Variants in ZPBP observed in about 807,000 individuals in gnomAD.
The protein encoded by ZPBP is zona pellucida binding protein, also known as zona pellucida-binding protein 1.
ZPBP carries 26 observed loss-of-function variants against 44.8 expected under a neutral mutation model. The observed-to-expected ratio is 0.58, with a 90% CI of 0.43 to 0.81. The LOEUF is 0.81. ZPBP is among the 30% of genes least tolerant of loss of function. ZPBP has a pLI of 0.00. For missense variants in ZPBP, 409 were observed against 434.0 expected (o/e 0.94, Z 0.51); for synonymous variants, 174 against 153.2 (o/e 1.14, Z -1.00).
chr7:50,027,646 G>GA (rs1799398995), intron 5 of ZPBP, among the ~76,000 whole-genome samples: 1 of 151,786 alleles, frequency 6.6e-6, no homozygotes, highest in African/African-American at 2.4e-5. Context: ...ATACAGAATA[G>GA]AAAAAGCAAT....
At chr7:49,993,505 C>T (rs1797658898) in intron 6 of ZPBP, among the ~76,000 whole-genome samples, 1 of 152,094 alleles carries the variant, frequency 6.6e-6, no homozygotes, top group Non-Finnish European at 1.5e-5. Context: ...CAGTCACCAA[C>T]TATAGTCTAT....
chr7:49,862,259 T>C (rs1428033351), intron 2 of ZPBP, among the ~76,000 whole-genome samples: 1 of 152,168 alleles, frequency 6.6e-6, no homozygotes, highest in Non-Finnish European at 1.5e-5. Context: ...TCTCTTAAAT[T>C]TCTTTTCAAA....
At chr7:49,980,136 TATA>T (rs1796758764) in intron 7 of ZPBP, among the ~76,000 whole-genome samples, 1 of 107,340 alleles carries the variant, frequency 9.3e-6, no homozygotes, top group Admixed American at 1.4e-4. Context: ...AATTATATAT[TATA>T]TTTATATTAT....
intron 2 of ZPBP, among the ~76,000 whole-genome samples, chr7:49,882,826 A>G (rs79344276): frequency 0.03 from 4,566 of 152,188 alleles, 189 homozygotes; most frequent in South Asian, 0.13. Flanking sequence ...AGTTTCAACT[A>G]CATCTTCTAT....
Position 50,018,564 on chromosome 7 carries a change from G to A in ZPBP, c.707-248C>T, listed in dbSNP as rs893831051. Among the ~76,000 whole-genome samples, 15 of 151,864 alleles carry A rather than the reference G, an allele frequency of 9.9e-5. 1 individual carries two copies. Among genetic ancestry groups the A allele is most frequent in the African/African-American group, 3.6e-4 (15 of 41,356 alleles). On this transcript the variant is annotated intron_variant, in intron 5 of 7. Transcript: ENST00000046087. The stretch of plus-strand genomic sequence containing the variant: ...ACTTTCCTGATAATGTTTGGCTGTT[G>A]ATTTTGTAAAATCTGAGCAACAGAT...
At chr7:49,934,962 ATAAAAGG>A (rs1794571939), downstream of ZPBP, among the ~76,000 whole-genome samples, 1 of 152,194 alleles carries the variant, frequency 6.6e-6, no homozygotes, top group African/African-American at 2.4e-5. Flanking sequence ...TAAGCATTAT[ATAAAAGG>A]TATTATTTGG....
chr7:50,078,370 A>G (rs568582492), intron 3 of ZPBP, among the ~76,000 whole-genome samples: 17 of 151,684 alleles, frequency 1.1e-4, no homozygotes, highest in African/African-American at 3.6e-4. Flanking sequence ...ACTTAATTGC[A>G]TATATTAAAA....
chr7:49,984,351 T>C (rs937690663), intron 6 of ZPBP, among the ~76,000 whole-genome samples: 1 of 152,166 alleles, frequency 6.6e-6, no homozygotes, highest in Non-Finnish European at 1.5e-5. Context: ...GGTGATAAAA[T>C]AATAACTCTG....
chr7:50,026,578 C>A (rs1799345468), intron 5 of ZPBP, among the ~76,000 whole-genome samples: 1 of 151,848 alleles, frequency 6.6e-6, no homozygotes, highest in Non-Finnish European at 1.5e-5. Flanking sequence ...AAGCAGCTTC[C>A]ATAATCTGAG....
At chr7:50,066,041 A>G (rs980140699) in intron 3 of ZPBP, among the ~76,000 whole-genome samples, 3 of 151,236 alleles carry the variant, frequency 2.0e-5, no homozygotes, top group East Asian at 1.9e-4. Flanking sequence ...GTGTTAGCGT[A>G]TTCCACTGAA....
intron 7 of ZPBP, among the ~76,000 whole-genome samples, chr7:49,940,947 C>A (rs1393831412): frequency 2.0e-5 from 3 of 152,046 alleles, no homozygotes; most frequent in Non-Finnish European, 2.9e-5. Flanking sequence ...CCCAGAGAAG[C>A]AGCAGGAGTG....
chr7:50,035,164 G>A (rs1008052748), intron 4 of ZPBP, among the ~76,000 whole-genome samples: 1 of 152,192 alleles, frequency 6.6e-6, no homozygotes, highest in Non-Finnish European at 1.5e-5. Context: ...CACTAAATTG[G>A]ATTTGTGGCT....
intron 2 of ZPBP, among the ~76,000 whole-genome samples, chr7:49,862,444 A>G (rs922079065): frequency 5.9e-5 from 9 of 152,102 alleles, no homozygotes; most frequent in Non-Finnish European, 1.3e-4. Context: ...TTCCTTTCCA[A>G]TTTGGATGCT....
intron 2 of ZPBP, among the ~76,000 whole-genome samples, chr7:49,888,397 G>T (rs1424761233): frequency 2.0e-5 from 3 of 152,106 alleles, no homozygotes; most frequent in East Asian, 3.8e-4. Flanking sequence ...TTTAGGTATG[G>T]TATAGAGCTA....
At chr7:50,004,433 G>A (rs974782413) in intron 6 of ZPBP, among the ~76,000 whole-genome samples, 1 of 151,278 alleles carries the variant, frequency 6.6e-6, no homozygotes, top group African/African-American at 2.5e-5. Context: ...TTCTAGGACT[G>A]AGCCACTACT....
intron 7 of ZPBP, among the ~76,000 whole-genome samples, chr7:49,958,189 T>G (rs1795693302): frequency 6.6e-6 from 1 of 152,180 alleles, no homozygotes; most frequent in South Asian, 2.1e-4. Context: ...TGCCTCAGGA[T>G]GTATTGTGTC....
intron 4 of ZPBP, among the ~76,000 whole-genome samples, chr7:50,043,123 C>T (rs1562866372): frequency 6.6e-6 from 1 of 152,212 alleles, no homozygotes; most frequent in Non-Finnish European, 1.5e-5. Context: ...GCCTTAAGGA[C>T]TTGCTCCTTC....
rs76728040 is a variant in ZPBP at position 49,922,436 on chromosome 7, G to C, written n.411+13315C>G. Among the ~76,000 whole-genome samples, 1,181 of 152,256 alleles carry C rather than the reference G, an allele frequency of 7.8e-3. 12 individuals are homozygous for C. Among genetic ancestry groups the C allele is most frequent in the African/African-American group, 0.027 (1,130 of 41,540 alleles). On this transcript the variant is annotated intron_variant and non_coding_transcript_variant, in intron 1 of 2. Coordinates refer to the ZPBP transcript ENST00000465922. ...TTAAGGCTACGAACTTCCCATTCCGGAACTGGAAGATTAGGCAATTTAGAA... is the reference window on the plus strand; with the variant it reads ...TTAAGGCTACGAACTTCCCATTCCGCAACTGGAAGATTAGGCAATTTAGAA...
intron 2 of ZPBP, among the ~76,000 whole-genome samples, chr7:49,877,485 T>TAC (rs1351876914): frequency 0.089 from 1,332 of 14,906 alleles, 300 homozygotes; most frequent in Non-Finnish European, 0.12. Flanking sequence ...AAAAAAAATA[T>TAC]ATATATATAT....
Sources: allele counts gnomAD v4.1 joint callset (sites outside exome capture counted in the v4.1 genomes callset), GRCh38; gene constraint gnomAD v4.1.1; transcripts MANE v1.5; gene names NCBI Gene and HGNC (gene_info 2026-07-23, HGNC 2026-07-21).